The following COL11A1 variants were observed in gnomAD, a reference collection of about 807,000 sequenced individuals.
The protein encoded by COL11A1 is collagen alpha-1(XI) chain.
A neutral mutation model predicts 265.2 loss-of-function variants in COL11A1; 74 were observed. The ratio of observed to expected loss-of-function variants is 0.28; its 90% CI spans 0.23 to 0.34. The LOEUF (loss-of-function observed/expected upper bound fraction) is 0.34. Among genes scored for constraint, COL11A1 ranks in the 10% least tolerant of loss-of-function variants. The pLI, the probability that COL11A1 is intolerant of heterozygous loss-of-function variation, is 1.00. For missense variants in COL11A1, 2,165 were observed against 2,263.6 expected (o/e 0.96, Z 0.88); for synonymous variants, 816 against 727.6 (o/e 1.12, Z -1.96).
chr1:102,893,627 ATTC>A (rs1415782178), intron 57 of COL11A1, among the ~76,000 whole-genome samples: 2 of 152,168 alleles, frequency 1.3e-5, no homozygotes, highest in Admixed American at 6.5e-5. Context: ...GGGATGATAC[ATTC>A]TTAAGTGTCT....
chr1:102,952,781 G>A (rs564629989), intron 41 of COL11A1, among the ~76,000 whole-genome samples: 172 of 152,266 alleles, frequency 1.1e-3, no homozygotes, highest in African/African-American at 4.0e-3. Context: ...TACCCATTAA[G>A]CAAATGACAT....
chr1:102,936,153 G>A lies in COL11A1; in HGVS notation c.3439-1040C>T, dbSNP rs543670783. 5.3e-5 allele frequency among the ~76,000 whole-genome samples: 8 copies of A among 151,238 alleles called. No homozygotes were observed. In the East Asian group the frequency reaches 1.2e-3, roughly 22 times the overall value. On this transcript the variant is annotated intron_variant, in intron 44 of 66. Transcript: ENST00000370096. ...ATTAATATTATTAAATATTGACCTTGAATATGTGTCTTTTCATATTCATTT... is the reference window on the plus strand; with the variant it reads ...ATTAATATTATTAAATATTGACCTTAAATATGTGTCTTTTCATATTCATTT...
chr1:103,046,067 T>C (rs1669238444), intron 4 of COL11A1, among the ~76,000 whole-genome samples: 1 of 151,572 alleles, frequency 6.6e-6, no homozygotes. Context: ...TGAATAGTGC[T>C]GCAATAAACA....
intron 1 of COL11A1, among the ~76,000 whole-genome samples, chr1:103,106,307 C>T (rs903615854): frequency 6.6e-6 from 1 of 152,156 alleles, no homozygotes; most frequent in Admixed American, 6.5e-5. Flanking sequence ...CGAAGAAATT[C>T]TCAGTTCCTA....
intron 48 of COL11A1, 119 bp downstream of exon 48, chr1:102,921,394 AGTTCT>A: frequency 2.8e-6 from 2 of 725,288 alleles, no homozygotes. Flanking sequence ...GTGACCCTTG[AGTTCT>A]TAACCACTTA....
intron 54 of COL11A1, among the ~76,000 whole-genome samples, chr1:102,909,420 C>T (rs1334796193): frequency 6.6e-6 from 1 of 152,046 alleles, no homozygotes; most frequent in Non-Finnish European, 1.5e-5. Context: ...AATTACCCAG[C>T]CTCAGGTATT....
chr1:103,006,660 C>T (rs1665654167), intron 15 of COL11A1, among the ~76,000 whole-genome samples: 2 of 150,874 alleles, frequency 1.3e-5, no homozygotes, highest in Admixed American at 1.3e-4. Flanking sequence ...GCCTCAGCCT[C>T]CCAAGTAGCT....
intron 9 of COL11A1, among the ~76,000 whole-genome samples, chr1:103,019,163 C>T (rs1666795135): frequency 6.6e-6 from 1 of 152,008 alleles, no homozygotes; most frequent in Admixed American, 6.6e-5. Context: ...AACAATCTAC[C>T]AAGGTTTTTT....
At chr1:102,968,954 G>C (rs1456169588) in intron 37 of COL11A1, among the ~76,000 whole-genome samples, 1 of 152,116 alleles carries the variant, frequency 6.6e-6, no homozygotes, top group East Asian at 1.9e-4. Flanking sequence ...ATATTCTATA[G>C]TTATTCCCAG....
At chr1:102,944,407 C>A (rs777267443) in intron 42 of COL11A1, among the ~76,000 whole-genome samples, 1 of 152,074 alleles carries the variant, frequency 6.6e-6, no homozygotes, top group Non-Finnish European at 1.5e-5. Flanking sequence ...ACAGTGCCTA[C>A]CCCTTAGTTA....
At chr1:102,890,341 A>T in intron 58 of COL11A1, 110 bp downstream of exon 58, 1 of 986,126 alleles carries the variant, frequency 1.0e-6, no homozygotes, top group East Asian at 2.7e-5. Context: ...CAGGGTTAGA[A>T]TGAAGATATT....
At chr1:102,929,407 T>A (rs1557834045) in intron 46 of COL11A1, among the ~76,000 whole-genome samples, 1 of 152,026 alleles carries the variant, frequency 6.6e-6, no homozygotes, top group Non-Finnish European at 1.5e-5. Flanking sequence ...GTTGTAGATA[T>A]GCGGCATTAT....
chr1:102,940,575 C>T (rs1658620516), intron 42 of COL11A1, 141 bp from the exon 43 acceptor site: 1 of 655,276 alleles, frequency 1.5e-6, no homozygotes, highest in Non-Finnish European at 2.7e-6. Flanking sequence ...ATACATGTTC[C>T]CTACCTTCAT....
chr1:102,931,908 T>C (rs1185829535), intron 46 of COL11A1, among the ~76,000 whole-genome samples: 2 of 151,542 alleles, frequency 1.3e-5, no homozygotes, highest in African/African-American at 4.9e-5. Context: ...GAGACTAGGA[T>C]TGCAAGCCCT....
intron 54 of COL11A1, among the ~76,000 whole-genome samples, chr1:102,909,262 C>T (rs577877522): frequency 1.3e-5 from 2 of 152,098 alleles, no homozygotes; most frequent in African/African-American, 2.4e-5. Context: ...CTTCCTCTGT[C>T]ACCTTGTTAT....
At chr1:102,907,563 A>G (rs765490473) in intron 54 of COL11A1, among the ~76,000 whole-genome samples, 7 of 152,014 alleles carry the variant, frequency 4.6e-5, no homozygotes, top group Non-Finnish European at 8.8e-5. Flanking sequence ...ATGTTTCTTT[A>G]TCATGTTTAC....
intron 5 of COL11A1, among the ~76,000 whole-genome samples, chr1:103,027,600 ATC>A (rs1037851660): frequency 3.3e-5 from 5 of 151,634 alleles, no homozygotes; most frequent in African/African-American, 9.7e-5. Flanking sequence ...TCTCAACTGG[ATC>A]TCTCTTTGCA....
At position 102,881,684 on chromosome 1, in the gene COL11A1, G is replaced by A. The variant is rs754565710; in HGVS notation, c.5040+13C>T. ...TTCGTGAAAAATCGTTTCATGTTGA[G>A]GTAATAACATACCAGTTTTCCCCTC... is the stretch of plus-strand genomic sequence containing the variant. On this transcript the variant is annotated intron_variant, in intron 65 of 66. Transcript: ENST00000370096. 1 of 1,601,974 alleles carries A rather than the reference G, an allele frequency of 6.2e-7. No homozygotes were observed. The highest frequency in any genetic ancestry group is 1.1e-5 in the South Asian group (1 of 90,814).
At chr1:102,968,569 TA>T (rs1199544865) in intron 37 of COL11A1, among the ~76,000 whole-genome samples, 3 of 152,126 alleles carry the variant, frequency 2.0e-5, no homozygotes, top group Admixed American at 6.5e-5. Flanking sequence ...AATAAGATAA[TA>T]AATATATGGC....
Sources: allele counts gnomAD v4.1 joint callset (sites outside exome capture counted in the v4.1 genomes callset), GRCh38; gene constraint gnomAD v4.1.1; transcripts MANE v1.5; gene names NCBI Gene and HGNC (gene_info 2026-07-23, HGNC 2026-07-21).